TAFA1: variants seen among roughly 807,000 people sequenced by gnomAD.
TAFA1 encodes TAFA chemokine like family member 1, also known as chemokine-like protein TAFA-1.
In TAFA1, 4 loss-of-function variants were observed where a neutral mutation model predicts 18.5. The ratio of observed to expected loss-of-function variants is 0.22; its 90% CI spans 0.11 to 0.49. TAFA1 has a LOEUF of 0.49. Ranked by LOEUF, TAFA1 falls within the 20% of genes least tolerant of loss-of-function variation. The pLI is 0.98. For synonymous variants in TAFA1, 56 were observed against 55.2 expected (o/e 1.01, Z -0.06); for missense variants, 147 against 169.0 (o/e 0.87, Z 0.72).
At chr3:68,159,598 C>T (rs1431801331) in intron 2 of TAFA1, among the ~76,000 whole-genome samples, 1 of 152,008 alleles carries the variant, frequency 6.6e-6, no homozygotes, top group Admixed American at 6.6e-5. Flanking sequence ...AAATAATAGC[C>T]TTTTACTTCC....
intron 2 of TAFA1, among the ~76,000 whole-genome samples, chr3:68,296,205 T>A (rs927770735): frequency 2.0e-5 from 3 of 152,184 alleles, no homozygotes; most frequent in African/African-American, 7.2e-5. Flanking sequence ...CCTACCCTCG[T>A]GACTTTTTGT....
chr3:68,389,864 C>G (rs1184754816), intron 2 of TAFA1, among the ~76,000 whole-genome samples: 1 of 152,140 alleles, frequency 6.6e-6, no homozygotes, highest in East Asian at 1.9e-4. Flanking sequence ...TCTTTGCAAC[C>G]CACAGACCAG....
At chr3:68,519,050 C>T (rs1245853692) in intron 3 of TAFA1, among the ~76,000 whole-genome samples, 1 of 152,102 alleles carries the variant, frequency 6.6e-6, no homozygotes, top group Non-Finnish European at 1.5e-5. Context: ...GGTGGTTGAG[C>T]TTGTTGGTCT....
chr3:68,134,515 A>T (rs2065583622), intron 2 of TAFA1, among the ~76,000 whole-genome samples: 1 of 152,156 alleles, frequency 6.6e-6, no homozygotes, highest in East Asian at 1.9e-4. Flanking sequence ...CAGGTTGAGG[A>T]ACAGCTGGTT....
chr3:68,512,624 T>C (rs555460843), intron 3 of TAFA1, among the ~76,000 whole-genome samples: 15 of 152,254 alleles, frequency 9.9e-5, no homozygotes, highest in African/African-American at 3.6e-4. Context: ...TGGGTTTTAT[T>C]CCTTCATTTT....
chr3:68,348,118 C>T (rs550266092), intron 2 of TAFA1, among the ~76,000 whole-genome samples: 8 of 152,236 alleles, frequency 5.3e-5, no homozygotes, highest in Admixed American at 1.3e-4. Context: ...GTGCCACCCA[C>T]GGGAGCTTTT....
intron 2 of TAFA1, among the ~76,000 whole-genome samples, chr3:68,263,782 T>C (rs1160908720): frequency 6.6e-6 from 1 of 152,088 alleles, no homozygotes; most frequent in Non-Finnish European, 1.5e-5. Flanking sequence ...ATGGTCTAGG[T>C]CTTTTTATTA....
chr3:68,316,459 T>C (rs1416239163), intron 2 of TAFA1, among the ~76,000 whole-genome samples: 1 of 152,240 alleles, frequency 6.6e-6, no homozygotes, highest in Non-Finnish European at 1.5e-5. Context: ...ATAATGTGTT[T>C]ATAATGTTGT....
At chr3:68,072,208 A>C (rs1221141718) in intron 2 of TAFA1, among the ~76,000 whole-genome samples, 2 of 152,184 alleles carry the variant, frequency 1.3e-5, no homozygotes, top group Non-Finnish European at 2.9e-5. Context: ...GAGTCAACCT[A>C]GTGAAGGACC....
Position 68,269,676 on chromosome 3 carries a change from C to T in TAFA1, c.119-147604C>T, listed in dbSNP as rs115714094. On this transcript the variant is annotated intron_variant, in intron 2 of 4. Transcript: ENST00000478136. ...ATGGCTCATGCCTATAATCCCAGAA[C>T]TTTGGGAGGCCAAGATAGTGGGATC... 7.5e-3 allele frequency among the ~76,000 whole-genome samples: 1,141 copies of T among 152,174 alleles called. 19 individuals carry two copies. The highest frequency in any genetic ancestry group is 0.026 in the African/African-American group (1,065 of 41,502).
intron 3 of TAFA1, among the ~76,000 whole-genome samples, chr3:68,520,550 C>T (rs1276488488): frequency 6.6e-6 from 1 of 152,160 alleles, no homozygotes; most frequent in African/African-American, 2.4e-5. Flanking sequence ...TTGAATTTGG[C>T]TTCTCTAGGC....
intron 2 of TAFA1, among the ~76,000 whole-genome samples, chr3:68,023,306 T>A (rs1035382495): frequency 6.6e-6 from 1 of 152,176 alleles, no homozygotes; most frequent in Non-Finnish European, 1.5e-5. Context: ...CTCTACATTG[T>A]CTTCAATCCA....
At chr3:68,530,936 C>G (rs1456187723) in intron 3 of TAFA1, among the ~76,000 whole-genome samples, 1 of 151,476 alleles carries the variant, frequency 6.6e-6, no homozygotes, top group Non-Finnish European at 1.5e-5. Context: ...GACTCAAAAG[C>G]CAATATATTT....
chr3:68,312,111 G>T (rs1246400107), intron 2 of TAFA1, among the ~76,000 whole-genome samples: 2 of 152,200 alleles, frequency 1.3e-5, no homozygotes, highest in East Asian at 3.9e-4. Flanking sequence ...AGCCATGGCT[G>T]GAGCAGCTGT....
intron 3 of TAFA1, among the ~76,000 whole-genome samples, chr3:68,458,193 C>A (rs2071701571): frequency 6.6e-6 from 1 of 152,012 alleles, no homozygotes; most frequent in Non-Finnish European, 1.5e-5. Flanking sequence ...AGCACCTCCC[C>A]CTTCTCTCTA....
chr3:68,292,415 A>C (rs1441392276), intron 2 of TAFA1, among the ~76,000 whole-genome samples: 1 of 112,114 alleles, frequency 8.9e-6, no homozygotes, highest in Non-Finnish European at 2.0e-5. Context: ...CTCTGTCAAA[A>C]AAAAAAAACA....
chr3:68,055,864 G>A (rs2064530136), intron 2 of TAFA1, among the ~76,000 whole-genome samples: 1 of 152,000 alleles, frequency 6.6e-6, no homozygotes, highest in Admixed American at 6.6e-5. Flanking sequence ...CTCACATCAG[G>A]TCCTAGCCCC....
rs6763237 is a variant in TAFA1 at position 68,071,561 on chromosome 3, G to A, written c.118+64817G>A. ...TATAGGAATTTGAAACAGAACTCTG[G>A]AGCCAGGGAGCTCCAGCTCTCGTGC... On this transcript the variant is annotated intron_variant, in intron 2 of 4. Transcript: ENST00000478136. 4.4e-3 allele frequency among the ~76,000 whole-genome samples: 677 copies of A among 152,290 alleles called. 2 individuals are homozygous for A. Among genetic ancestry groups the A allele is most frequent in the African/African-American group, 0.016 (648 of 41,560 alleles).
chr3:68,541,917 T>G (rs1204514372), intron 4 of TAFA1, among the ~76,000 whole-genome samples: 3 of 152,172 alleles, frequency 2.0e-5, no homozygotes, highest in Non-Finnish European at 4.4e-5. Context: ...TAAAACTTTA[T>G]GGTGTTCATT....
Sources: allele counts gnomAD v4.1 joint callset (sites outside exome capture counted in the v4.1 genomes callset), GRCh38; gene constraint gnomAD v4.1.1; transcripts MANE v1.5; gene names NCBI Gene and HGNC (gene_info 2026-07-23, HGNC 2026-07-21).